The following ANKS1B variants were observed in gnomAD, a reference collection of about 807,000 sequenced individuals.
ANKS1B encodes the protein ankyrin repeat and sterile alpha motif domain containing 1B.
Under a neutral mutation model 148.3 loss-of-function variants are expected in ANKS1B, and 36 were observed. The ratio of observed to expected loss-of-function variants is 0.24; its 90% CI spans 0.19 to 0.32. The LOEUF is 0.32. Ranked by LOEUF, ANKS1B falls within the 10% of genes least tolerant of loss-of-function variation. ANKS1B has a pLI of 1.00. For missense variants in ANKS1B, 1,157 were observed against 1,542.6 expected (o/e 0.75, Z 4.19); for synonymous variants, 542 against 560.8 (o/e 0.97, Z 0.47).
intron 17 of ANKS1B, among the ~76,000 whole-genome samples, chr12:98,867,403 A>C (rs1270796692): frequency 6.6e-6 from 1 of 152,254 alleles, no homozygotes; most frequent in Non-Finnish European, 1.5e-5. Flanking sequence ...ACAAGAGAAA[A>C]TCTAAAATGG....
chr12:99,451,827 A>G (rs2095744197), intron 10 of ANKS1B, among the ~76,000 whole-genome samples: 1 of 150,812 alleles, frequency 6.6e-6, no homozygotes, highest in African/African-American at 2.5e-5. Flanking sequence ...GTGTGAATAC[A>G]TTGCCTGACA....
intron 15 of ANKS1B, among the ~76,000 whole-genome samples, chr12:99,091,637 A>G (rs2054017806): frequency 6.6e-6 from 1 of 152,218 alleles, no homozygotes; most frequent in Non-Finnish European, 1.5e-5. Context: ...CTCCAGATGC[A>G]TATATCTGTA....
At chr12:99,567,294 A>C (rs2097405373) in intron 9 of ANKS1B, among the ~76,000 whole-genome samples, 1 of 152,090 alleles carries the variant, frequency 6.6e-6, no homozygotes, top group Non-Finnish European at 1.5e-5. Context: ...GGGCTTACCT[A>C]ATTAGGTCAA....
intron 19 of ANKS1B, among the ~76,000 whole-genome samples, chr12:98,823,216 G>C (rs934809023): frequency 2.0e-5 from 3 of 152,156 alleles, no homozygotes; most frequent in African/African-American, 7.2e-5. Context: ...TCAACTTGAC[G>C]AGCTGTCAAA....
chr12:98,776,769 G>A (rs532167952), intron 24 of ANKS1B, among the ~76,000 whole-genome samples: 2 of 152,362 alleles, frequency 1.3e-5, no homozygotes, highest in Admixed American at 6.5e-5. Flanking sequence ...CCTCCAGGGC[G>A]GGGCCAACAG....
chr12:99,477,978 C>A (rs907871520), intron 10 of ANKS1B, among the ~76,000 whole-genome samples: 1 of 152,064 alleles, frequency 6.6e-6, no homozygotes, highest in African/African-American at 2.4e-5. Flanking sequence ...GAATGCTCAC[C>A]AGTAGACAAA....
intron 14 of ANKS1B, among the ~76,000 whole-genome samples, chr12:99,241,900 A>G (rs1566714572): frequency 6.6e-6 from 1 of 152,204 alleles, no homozygotes; most frequent in Non-Finnish European, 1.5e-5. Context: ...AATGTATCTC[A>G]AAATAATAAG....
intron 16 of ANKS1B, among the ~76,000 whole-genome samples, chr12:99,056,331 A>C (rs1178146897): frequency 6.6e-6 from 1 of 152,250 alleles, no homozygotes; most frequent in African/African-American, 2.4e-5. Flanking sequence ...ATATTTAATG[A>C]TATGCAGAAT....
chr12:99,663,179 C>T (rs2098486146), intron 8 of ANKS1B, among the ~76,000 whole-genome samples: 1 of 152,054 alleles, frequency 6.6e-6, no homozygotes, highest in Admixed American at 6.6e-5. Context: ...TATTCCAAAG[C>T]TATGATAGTA....
At chr12:98,757,535 G>A (rs955448007) in intron 25 of ANKS1B, among the ~76,000 whole-genome samples, 8 of 152,122 alleles carry the variant, frequency 5.3e-5, no homozygotes, top group African/African-American at 1.9e-4. Context: ...TAGCCAGGAG[G>A]CCAATCCTGG....
At chr12:99,809,126 C>A (rs1215601137) in intron 3 of ANKS1B, among the ~76,000 whole-genome samples, 1 of 151,964 alleles carries the variant, frequency 6.6e-6, no homozygotes, top group Non-Finnish European at 1.5e-5. Flanking sequence ...TTAATAATTC[C>A]TAGTATGGCT....
intron 17 of ANKS1B, among the ~76,000 whole-genome samples, chr12:98,848,824 C>T (rs904541867): frequency 5.0e-5 from 7 of 139,586 alleles, no homozygotes; most frequent in Middle Eastern, 4.1e-3. Context: ...CTGTGACCTC[C>T]GCCTCCCAGA....
intron 11 of ANKS1B, among the ~76,000 whole-genome samples, chr12:99,429,161 A>G (rs1298520700): frequency 2.0e-5 from 3 of 152,212 alleles, no homozygotes; most frequent in South Asian, 4.1e-4. Flanking sequence ...AAACAAACAA[A>G]CAAACAAACG....
chr12:99,013,188 A>C (rs1267896918), intron 17 of ANKS1B, among the ~76,000 whole-genome samples: 1 of 152,224 alleles, frequency 6.6e-6, no homozygotes. Flanking sequence ...GCCCAGACAC[A>C]TTCCATTAGA....
At chr12:99,423,385 G>A (rs1256242414) in intron 11 of ANKS1B, among the ~76,000 whole-genome samples, 2 of 152,142 alleles carry the variant, frequency 1.3e-5, no homozygotes, top group East Asian at 3.9e-4. Context: ...CACTGTTGGT[G>A]GGAGTGTAAA....
intron 9 of ANKS1B, among the ~76,000 whole-genome samples, chr12:99,586,810 C>G (rs920124538): frequency 1.3e-5 from 2 of 152,130 alleles, no homozygotes; most frequent in Non-Finnish European, 2.9e-5. Context: ...TGCGGGGGAA[C>G]TCCCCTTTAT....
chr12:99,612,856 G>A (rs1460212704), intron 9 of ANKS1B, among the ~76,000 whole-genome samples: 1 of 152,020 alleles, frequency 6.6e-6, no homozygotes, highest in Non-Finnish European at 1.5e-5. Flanking sequence ...AAGCAGCTAT[G>A]GGTAGTAAAG....
chr12:99,388,388 G>A (rs2093952406), intron 12 of ANKS1B, among the ~76,000 whole-genome samples: 1 of 152,136 alleles, frequency 6.6e-6, no homozygotes, highest in Non-Finnish European at 1.5e-5. Context: ...GTTGAGCTTG[G>A]GGATGTGGGG....
At chr12:99,320,428 T>A (rs2085032193) in intron 12 of ANKS1B, among the ~76,000 whole-genome samples, 1 of 152,202 alleles carries the variant, frequency 6.6e-6, no homozygotes, top group Admixed American at 6.5e-5. Flanking sequence ...TCTTCTCGCT[T>A]CATTTCATTC....
Sources: gnomAD v4.1 joint callset for allele counts (sites outside exome capture counted in the v4.1 genomes callset) on GRCh38, gnomAD v4.1.1 for gene constraint, MANE v1.5 for transcripts, NCBI Gene and HGNC (gene_info 2026-07-23, HGNC 2026-07-21) for gene names.